The following PRDM6 variants were observed in gnomAD, a reference collection of about 807,000 sequenced individuals.
The protein encoded by PRDM6 is putative histone-lysine N-methyltransferase PRDM6.
Under a neutral mutation model 60.8 loss-of-function variants are expected in PRDM6, and 25 were observed. The ratio of observed to expected loss-of-function variants is 0.41; its 90% confidence interval spans 0.30 to 0.57. The LOEUF is 0.57. PRDM6 is among the 20% of genes least tolerant of loss of function. The pLI is 0.27. For missense variants in PRDM6, 839 were observed against 821.3 expected (o/e 1.02, Z -0.26); for synonymous variants, 407 against 357.4 (o/e 1.14, Z -1.57).
intron 3 of PRDM6, among the ~76,000 whole-genome samples, chr5:123,139,892 G>A (rs144134113): frequency 1.3e-5 from 2 of 152,156 alleles, no homozygotes; most frequent in African/African-American, 2.4e-5. Flanking sequence ...AGGATGGGTG[G>A]TAAAAAGGAT....
At chr5:123,116,814 A>G (rs1292813624) in intron 3 of PRDM6, among the ~76,000 whole-genome samples, 1 of 152,214 alleles carries the variant, frequency 6.6e-6, no homozygotes, top group Non-Finnish European at 1.5e-5. Flanking sequence ...CTGGGGAGAA[A>G]TAGTAAGGAA....
At chr5:123,129,734 A>T (rs1022705227) in intron 3 of PRDM6, among the ~76,000 whole-genome samples, 15 of 152,214 alleles carry the variant, frequency 9.9e-5, no homozygotes, top group African/African-American at 3.4e-4. Flanking sequence ...ATTTGAGGAC[A>T]TTAAATAAAG....
chr5:123,090,126 A>G lies in PRDM6; in HGVS notation c.112A>G (p.Ser38Gly), dbSNP rs868050585. 3.5e-5 allele frequency: 54 copies of G among 1,539,084 alleles called. 1 individual carries two copies. The African/African-American group carries it at 6.7e-4, about 19-fold the overall frequency. ...CGGAGGCGCAGGCCCGCTCAAGGGC[A>G]GCGGCGCCGCGGGTCTCCTGAGCGC... Reference protein sequence around the residue: ...PHGGAGPLKGSGAAGLLSAPQ... With the variant: ...PHGGAGPLKGGGAAGLLSAPQ... Residue 38 changes from serine to glycine, a missense_variant, in exon 2 of 8, where the codon AGC (serine) becomes GGC (glycine). This residue lies in a region of PRDM6 where 730 missense variants were observed against 648.8 expected (regional missense o/e 1.13). Transcript: ENST00000407847.
At chr5:123,184,451 G>A (rs1766236551) in intron 7 of PRDM6, among the ~76,000 whole-genome samples, 1 of 152,146 alleles carries the variant, frequency 6.6e-6, no homozygotes, top group Non-Finnish European at 1.5e-5. Flanking sequence ...TGTGGCATCA[G>A]CACCTATGCT....
chr5:123,117,086 T>C (rs1051690362), intron 3 of PRDM6, among the ~76,000 whole-genome samples: 4 of 152,222 alleles, frequency 2.6e-5, no homozygotes, highest in African/African-American at 9.6e-5. Flanking sequence ...TTTATGCACA[T>C]AACTGGTCCC....
chr5:123,128,763 T>C (rs554194713), intron 3 of PRDM6, among the ~76,000 whole-genome samples: 2 of 152,346 alleles, frequency 1.3e-5, no homozygotes, highest in African/African-American at 4.8e-5. Context: ...AGAAGCTCTT[T>C]AGTTTAATTA....
At chr5:123,181,173 C>T (rs542131845) in intron 7 of PRDM6, among the ~76,000 whole-genome samples, 5 of 152,232 alleles carry the variant, frequency 3.3e-5, no homozygotes, top group African/African-American at 7.2e-5. Context: ...TTGCTAGGCA[C>T]CCTGGTAGGT....
At chr5:123,168,027 T>C (rs551623301) in intron 5 of PRDM6, among the ~76,000 whole-genome samples, 6 of 152,222 alleles carry the variant, frequency 3.9e-5, no homozygotes, top group Non-Finnish European at 7.3e-5. Flanking sequence ...GCTGCTGTTT[T>C]TATGTTTTAT....
chr5:123,168,312 A>G (rs749823466), intron 5 of PRDM6, among the ~76,000 whole-genome samples: 1 of 152,228 alleles, frequency 6.6e-6, no homozygotes, highest in Non-Finnish European at 1.5e-5. Flanking sequence ...AATACACACA[A>G]AACAATGTAC....
rs1403374244 is a variant in PRDM6 at position 123,099,880 on chromosome 5, G to T, written c.819G>T (p.Trp273Cys). The T allele has an allele frequency of 6.5e-7, 1 of 1,550,028 alleles. No individual in the cohort carries two copies. Among genetic ancestry groups the T allele is most frequent in the Admixed American group, 2.0e-5 (1 of 50,946 alleles). Residue 273 changes from tryptophan to cysteine, a missense_variant, in exon 3 of 8, where the codon TGG (tryptophan) becomes TGT (cysteine). Physicochemically the swap from Trp to Cys is radical, Grantham distance 215. Transcript: ENST00000407847. The surrounding 1 kb of genome is among the most constrained non-coding windows in gnomAD (Gnocchi z 4.0). ...CGCAGAGGATCCAGCAAGGCACCTG[G>T]ATTGGACCTTTCCAAGGCGTGCTTC... Reference protein sequence around the residue: ...CAAQRIQQGTWIGPFQGVLLP... With the variant: ...CAAQRIQQGTCIGPFQGVLLP...
chr5:123,180,427 T>C (rs1264497989), intron 7 of PRDM6, 104 bp downstream of exon 7: 1 of 1,186,542 alleles, frequency 8.4e-7, no homozygotes, highest in Non-Finnish European at 1.2e-6. Flanking sequence ...TGGCACAGGC[T>C]ACTTGGAAGG....
At chr5:123,186,800 G>T (rs762654482) in intron 7 of PRDM6, among the ~76,000 whole-genome samples, 3 of 152,190 alleles carry the variant, frequency 2.0e-5, no homozygotes, top group Non-Finnish European at 4.4e-5. Context: ...ATCTCTTTTT[G>T]TTCTTTATCT....
At chr5:123,183,276 A>T (rs1268353008) in intron 7 of PRDM6, among the ~76,000 whole-genome samples, 1 of 152,126 alleles carries the variant, frequency 6.6e-6, no homozygotes, top group Non-Finnish European at 1.5e-5. Context: ...AAATTGTCCC[A>T]CCCATCCAGG....
Position 123,190,448 on chromosome 5 carries a change from G to A in PRDM6, c.*3247G>A, listed in dbSNP as rs1400536425. On this transcript the variant is annotated 3_prime_UTR_variant, in exon 8 of 8. Coordinates refer to ENST00000407847, the MANE Select transcript of PRDM6 (RefSeq NM_001136239.4). ...ATCTTTAAAAATGACTTTTTTGGAG[G>A]AGATATACTTCTAAAAAGTTATTGT... 8 of 152,084 alleles carry A rather than the reference G, an allele frequency of 5.3e-5. No homozygotes were observed. The highest frequency in any genetic ancestry group is 1.9e-4 in the African/African-American group (8 of 41,386). 9.4% of individuals were successfully genotyped at this position (152,084 alleles called of 1,614,324 possible).
intron 6 of PRDM6, among the ~76,000 whole-genome samples, chr5:123,177,564 C>T (rs1366757867): frequency 3.3e-5 from 5 of 152,146 alleles, no homozygotes; most frequent in African/African-American, 9.7e-5. Flanking sequence ...TCTGAATTCT[C>T]AACTTTTTAC....
intron 3 of PRDM6, among the ~76,000 whole-genome samples, 168 bp downstream of exon 3, chr5:123,100,129 G>C: frequency 6.6e-6 from 1 of 152,204 alleles, no homozygotes; most frequent in East Asian, 1.9e-4. Context: ...TAGATGCCTG[G>C]TGTCTGAAGC....
intron 3 of PRDM6, among the ~76,000 whole-genome samples, chr5:123,142,743 G>T (rs1315011685): frequency 6.6e-6 from 1 of 151,910 alleles, no homozygotes; most frequent in African/African-American, 2.4e-5. Flanking sequence ...TCTGTCTTAT[G>T]AAATAAACCA....
intron 3 of PRDM6, among the ~76,000 whole-genome samples, chr5:123,113,956 G>A (rs1017307082): frequency 2.0e-5 from 3 of 152,172 alleles, no homozygotes; most frequent in Non-Finnish European, 4.4e-5. Context: ...ATGAGGCATT[G>A]TACAGGTCAC....
chr5:123,095,256 C>T (rs1763930679), intron 2 of PRDM6, among the ~76,000 whole-genome samples: 1 of 152,238 alleles, frequency 6.6e-6, no homozygotes, highest in South Asian at 2.1e-4. Flanking sequence ...GGCCACGCCT[C>T]ATGTCAGAAG....
Sources: gnomAD v4.1 joint callset for allele counts (sites outside exome capture counted in the v4.1 genomes callset) on GRCh38, gnomAD v4.1.1 for gene constraint, gnomAD v4.1.1 regional missense constraint, Gnocchi (gnomAD v3.1) non-coding constraint, MANE v1.5 for transcripts, NCBI Gene and HGNC (gene_info 2026-07-23, HGNC 2026-07-21) for gene names.